The following MGMT variants were observed in gnomAD, a reference collection of about 807,000 sequenced individuals.
MGMT encodes the protein O-6-methylguanine-DNA methyltransferase.
A neutral mutation model predicts 15.9 loss-of-function variants in MGMT; 14 were observed. The ratio of observed to expected loss-of-function variants is 0.88; its 90% CI spans 0.58 to 1.37. MGMT has a LOEUF of 1.37. MGMT is among the 40% of genes most tolerant of loss of function. The pLI, the probability that MGMT is intolerant of heterozygous loss-of-function variation, is 0.00. For synonymous variants in MGMT, 130 were observed against 118.2 expected, an observed-to-expected ratio of 1.10 and a Z score of -0.65; for missense variants, 282 against 268.1, an observed-to-expected ratio of 1.05 and a Z score of -0.36.
At chr10:129,563,301 G>T (rs376148236) in intron 2 of MGMT, among the ~76,000 whole-genome samples, 3 of 152,062 alleles carry the variant, frequency 2.0e-5, no homozygotes, top group African/African-American at 7.2e-5. Flanking sequence ...AGTTTCTAGC[G>T]TGCTCACTGT....
At chr10:129,569,783 T>G (rs1033663853) in intron 2 of MGMT, among the ~76,000 whole-genome samples, 10 of 152,320 alleles carry the variant, frequency 6.6e-5, no homozygotes, top group African/African-American at 2.4e-4. Flanking sequence ...GACAAGTGAG[T>G]GTCCCTTTGT....
At chr10:129,691,230 G>C (rs560697748) in intron 2 of MGMT, among the ~76,000 whole-genome samples, 68 of 152,344 alleles carry the variant, frequency 4.5e-4, no homozygotes, top group African/African-American at 1.6e-3. Context: ...TGGGGCAGGA[G>C]CCCCAGTGTG....
At chr10:129,729,503 C>T (rs981363706) in intron 3 of MGMT, among the ~76,000 whole-genome samples, 3 of 152,186 alleles carry the variant, frequency 2.0e-5, no homozygotes, top group African/African-American at 4.8e-5. Context: ...TCAGCTGTGC[C>T]GTTGGAGCCG....
intron 2 of MGMT, among the ~76,000 whole-genome samples, chr10:129,608,265 G>A (rs540477770): frequency 9.2e-5 from 14 of 152,324 alleles, no homozygotes; most frequent in African/African-American, 2.4e-4. Flanking sequence ...TGCGTAGCCC[G>A]GAGCAGAGTG....
chr10:129,659,967 T>C lies in MGMT; in HGVS notation c.126-47928T>C, dbSNP rs553955540. Among the ~76,000 whole-genome samples the C allele has an allele frequency of 3.4e-4, 52 of 152,334 alleles. No homozygotes were observed. The highest frequency in any genetic ancestry group is 1.3e-3 in the African/African-American group (52 of 41,578). The stretch of plus-strand genomic sequence containing the variant: ...TGGAAGATGAGGCCGTGTTTTCTCT[T>C]TCATCACCCGTGCAGTGAAGGATTT... On this transcript the variant is annotated intron_variant, in intron 2 of 4. Transcript: ENST00000651593. The surrounding 1 kb of genome is among the most constrained non-coding windows in gnomAD (Gnocchi z 4.1).
chr10:129,638,446 G>T (rs11452376), intron 2 of MGMT, among the ~76,000 whole-genome samples: 1 of 96,318 alleles, frequency 1.0e-5, no homozygotes, highest in Non-Finnish European at 2.1e-5. Flanking sequence ...AAAAAAAAAA[G>T]AAAAAAAAAA....
At chr10:129,688,038 T>C (rs1223577632) in intron 2 of MGMT, among the ~76,000 whole-genome samples, 1 of 152,240 alleles carries the variant, frequency 6.6e-6, no homozygotes, top group Middle Eastern at 3.2e-3. Flanking sequence ...CATCATTTTT[T>C]ATGGCTGCAT....
At chr10:129,492,473 T>C (rs1253735634) in intron 1 of MGMT, among the ~76,000 whole-genome samples, 1 of 152,174 alleles carries the variant, frequency 6.6e-6, no homozygotes, top group Non-Finnish European at 1.5e-5. Context: ...ATAGTGTGCT[T>C]TTCCTTTTAG....
chr10:129,586,350 G>C (rs933368522), intron 2 of MGMT, among the ~76,000 whole-genome samples: 1 of 151,982 alleles, frequency 6.6e-6, no homozygotes, highest in Admixed American at 6.6e-5. Context: ...ACCTCAACCC[G>C]CTTTCCTTTC....
intron 1 of MGMT, among the ~76,000 whole-genome samples, chr10:129,501,825 C>T (rs766241439): frequency 1.6e-4 from 25 of 152,238 alleles, no homozygotes; most frequent in Non-Finnish European, 1.5e-5. Context: ...GGGCTCACCT[C>T]TGTTTTCAGT....
At chr10:129,492,477 CT>C (rs1451288087) in intron 1 of MGMT, among the ~76,000 whole-genome samples, 1 of 152,170 alleles carries the variant, frequency 6.6e-6, no homozygotes, top group Non-Finnish European at 1.5e-5. Flanking sequence ...TGTGCTTTTC[CT>C]TTTAGGAGCC....
At chr10:129,505,350 G>GGCTAGTGTGAAGTTAC (rs1278274791) in intron 1 of MGMT, among the ~76,000 whole-genome samples, 4 of 152,118 alleles carry the variant, frequency 2.6e-5, no homozygotes, top group Non-Finnish European at 2.9e-5. Context: ...TTTATGATTA[G>GGCTAGTGTGAAGTTAC]GCTAGTGTGA....
At chr10:129,605,306 G>A (rs755654058) in intron 2 of MGMT, among the ~76,000 whole-genome samples, 26 of 152,084 alleles carry the variant, frequency 1.7e-4, no homozygotes, top group African/African-American at 6.0e-4. Context: ...TACTATTTGC[G>A]GTCCTTGATC....
intron 1 of MGMT, among the ~76,000 whole-genome samples, chr10:129,521,922 A>C (rs1465582923): frequency 1.3e-5 from 2 of 152,222 alleles, no homozygotes; most frequent in Admixed American, 1.3e-4. Flanking sequence ...TTGCAGACCG[A>C]GGCCCATGGG....
chr10:129,483,833 A>AT (rs943402094), intron 1 of MGMT, among the ~76,000 whole-genome samples: 17 of 151,400 alleles, frequency 1.1e-4, no homozygotes, highest in African/African-American at 2.9e-4. Context: ...CTGATTTTGG[A>AT]TTTTTTTTGG....
chr10:129,530,682 T>C (rs1845921097), intron 1 of MGMT, among the ~76,000 whole-genome samples: 1 of 152,222 alleles, frequency 6.6e-6, no homozygotes, highest in Non-Finnish European at 1.5e-5. Flanking sequence ...TCTCCTCTTG[T>C]TGAAAACTCT....
intron 2 of MGMT, among the ~76,000 whole-genome samples, chr10:129,562,455 A>G (rs1846292257): frequency 1.3e-5 from 2 of 152,230 alleles, no homozygotes; most frequent in Admixed American, 6.5e-5. Context: ...ACAGCTAGCA[A>G]AGAGAACTTC....
chr10:129,572,787 C>G (rs1439677136), intron 2 of MGMT, among the ~76,000 whole-genome samples: 1 of 152,150 alleles, frequency 6.6e-6, no homozygotes, highest in Non-Finnish European at 1.5e-5. Context: ...ATGATTCAGA[C>G]AGCTCTGTTT....
At chr10:129,561,914 G>A (rs1425281163) in intron 2 of MGMT, among the ~76,000 whole-genome samples, 1 of 152,136 alleles carries the variant, frequency 6.6e-6, no homozygotes, top group African/African-American at 2.4e-5. Context: ...TAGCCACGTC[G>A]TTGACTCCAG....
Sources: allele counts gnomAD v4.1 joint callset (sites outside exome capture counted in the v4.1 genomes callset), GRCh38; gene constraint gnomAD v4.1.1; non-coding constraint Gnocchi (gnomAD v3.1); transcripts MANE v1.5; gene names NCBI Gene and HGNC (gene_info 2026-07-23, HGNC 2026-07-21).